INSL6: variants seen among roughly 807,000 people sequenced by gnomAD.
INSL6 encodes insulin-like peptide INSL6.
Under a neutral mutation model 9.4 loss-of-function variants are expected in INSL6, and 16 were observed. The observed-to-expected ratio is 1.70, with a 90% CI of 1.15 to 2.59. INSL6 has a LOEUF of 2.59. INSL6 is among the 30% of genes most tolerant of loss of function. INSL6 has a pLI of 0.00. For missense variants in INSL6, 391 were observed against 257.3 expected (o/e 1.52, Z -3.56); for synonymous variants, 154 against 96.9 (o/e 1.59, Z -3.46).
chr9:5,062,309 G>A, the INSL6 span, among the ~76,000 whole-genome samples: 1 of 151,758 alleles, frequency 6.6e-6, no homozygotes, highest in African/African-American at 2.4e-5. Context: ...TATTCTGAGG[G>A]ACAACTGTAC....
intron 1 of INSL6, among the ~76,000 whole-genome samples, chr9:5,183,654 T>C (rs1306174511): frequency 6.6e-6 from 1 of 152,040 alleles, no homozygotes; most frequent in East Asian, 1.9e-4. Context: ...TACAGTATTA[T>C]AGCATAGGTA....
chr9:5,061,645 C>G, the INSL6 span, among the ~76,000 whole-genome samples: 1 of 152,228 alleles, frequency 6.6e-6, no homozygotes, highest in African/African-American at 2.4e-5. Flanking sequence ...GATCTTCTAT[C>G]TAGAACTTTC....
the INSL6 span, among the ~76,000 whole-genome samples, chr9:5,004,844 C>G: frequency 6.6e-6 from 1 of 151,442 alleles, no homozygotes; most frequent in Non-Finnish European, 1.5e-5. Flanking sequence ...GAGGTGAGAT[C>G]TCACTATGGT....
chr9:5,043,214 G>A, the INSL6 span, among the ~76,000 whole-genome samples: 1 of 152,238 alleles, frequency 6.6e-6, no homozygotes, highest in Non-Finnish European at 1.5e-5. Flanking sequence ...CAGTGCCCAG[G>A]GCGGTGGCCG....
At chr9:5,158,179 AT>A (rs1824852616) in intron 2 of INSL6, among the ~76,000 whole-genome samples, 1 of 152,166 alleles carries the variant, frequency 6.6e-6, no homozygotes, top group African/African-American at 2.4e-5. Flanking sequence ...AATTAAAAAA[AT>A]AAACCATGCC....
chr9:5,068,952 T>C, the INSL6 span: 1 of 848,942 alleles, frequency 1.2e-6, no homozygotes, highest in Non-Finnish European at 1.8e-6. Context: ...GTGATATCAT[T>C]TTGTCAGAAT....
In INSL6 at chr9:5,164,255, A is replaced by G. The variant is rs186054418; in HGVS notation, c.300T>C (p.Ser100=). The change falls in exon 2 of 2, where the codon TCT becomes TCC. Residue 100 remains serine (S), a synonymous_variant. Coordinates refer to ENST00000381641, the MANE Select transcript of INSL6 (RefSeq NM_007179.3). ...CCCAACTGTTTACTGCTTCTTCCCA[A>G]GAAGTAGACACTGTTGAGAGAGAAG... ...RGRGTNPVST[S]WEEAVNSWEM... is the part of the protein sequence containing the mutation. 4.4e-6 allele frequency: 7 copies of G among 1,599,766 alleles called. No homozygotes were observed. Among genetic ancestry groups the G allele is most frequent in the Non-Finnish European group, 3.4e-6 (4 of 1,171,538 alleles).
chr9:5,083,009 CT>C, the INSL6 span, among the ~76,000 whole-genome samples: 1 of 152,208 alleles, frequency 6.6e-6, no homozygotes, highest in South Asian at 2.1e-4. Context: ...AACTGAAGAA[CT>C]TTTCAGAGGC....
intron 1 of INSL6, among the ~76,000 whole-genome samples, chr9:5,164,588 C>G (rs757028737): frequency 2.6e-5 from 4 of 152,146 alleles, no homozygotes; most frequent in Non-Finnish European, 5.9e-5. Context: ...AATCTAACTC[C>G]AGAACATCTG....
the INSL6 span, among the ~76,000 whole-genome samples, chr9:5,089,265 A>G: frequency 2.0e-5 from 3 of 152,096 alleles, no homozygotes; most frequent in Non-Finnish European, 4.4e-5. Context: ...GCTGCTGGGC[A>G]TGGTGGCTCA....
the INSL6 span, among the ~76,000 whole-genome samples, chr9:5,080,896 T>C: frequency 1.1e-4 from 8 of 74,352 alleles, no homozygotes; most frequent in South Asian, 3.8e-4. Context: ...CCTTTTCTTT[T>C]TTTTTTTTTT....
At chr9:5,080,600 T>TA in the INSL6 span, 1 of 1,608,296 alleles carries the variant, frequency 6.2e-7, no homozygotes, top group Non-Finnish European at 8.5e-7. Flanking sequence ...GCAAACCTTA[T>TA]AAATAATTGT....
chr9:5,023,243 T>TG, the INSL6 span, among the ~76,000 whole-genome samples: 1 of 152,230 alleles, frequency 6.6e-6, no homozygotes, highest in African/African-American at 2.4e-5. Flanking sequence ...CACATATGAA[T>TG]GAGAACTTGT....
Position 5,131,435 on chromosome 9 carries a change from A to ATTTTTTTTTTTTTTTTTTTTTT in INSL6, c.*10+1989_*10+1990insAAAAAAAAAAAAAAAAAAAAAA, listed in dbSNP as rs550915336. Among the ~76,000 whole-genome samples, 135 of 115,822 alleles carry ATTTTTTTTTTTTTTTTTTTTTT rather than the reference A, an allele frequency of 1.2e-3. 16 individuals are homozygous for ATTTTTTTTTTTTTTTTTTTTTT. The highest frequency in any genetic ancestry group is 5.1e-3 in the African/African-American group (128 of 24,944). The allele number at this position is 115,822 out of a possible 152,430, so 76.0% of individuals were successfully genotyped here. ...AATTCTTTAACACCACCAGTTAACA[A>ATTTTTTTTTTTTTTTTTTTTTT]TTTTTTTTTTTTTTTTTTTGAGACA... On this transcript the variant is annotated intron_variant, in intron 3 of 3. Coordinates refer to the INSL6 transcript ENST00000649639.
chr9:5,033,157 T>C, the INSL6 span, among the ~76,000 whole-genome samples: 9 of 152,204 alleles, frequency 5.9e-5, no homozygotes, highest in South Asian at 1.9e-3. Context: ...AGATGGAAGA[T>C]GAAATGAATG....
chr9:5,069,843 C>T, the INSL6 span: 1 of 835,564 alleles, frequency 1.2e-6, no homozygotes. Flanking sequence ...ATACGTAGAA[C>T]ACATTTCATT....
the INSL6 span, among the ~76,000 whole-genome samples, chr9:4,996,451 A>AAAAT: frequency 9.9e-5 from 15 of 152,104 alleles, no homozygotes; most frequent in South Asian, 2.1e-4. Context: ...TCTGTCTCAA[A>AAAAT]AAATAAATAA....
At chr9:5,010,416 G>A in the INSL6 span, among the ~76,000 whole-genome samples, 5 of 152,032 alleles carry the variant, frequency 3.3e-5, no homozygotes, top group African/African-American at 1.2e-4. Flanking sequence ...TGCCTTCGGG[G>A]TTCAAGCAAT....
the INSL6 span, among the ~76,000 whole-genome samples, chr9:4,998,732 C>T: frequency 2.2e-5 from 3 of 139,104 alleles, no homozygotes; most frequent in Non-Finnish European, 3.2e-5. Flanking sequence ...GACCAAAAAC[C>T]ACAAAAAACA....
Sources: gnomAD v4.1 joint callset for allele counts (sites outside exome capture counted in the v4.1 genomes callset) on GRCh38, gnomAD v4.1.1 for gene constraint, MANE v1.5 for transcripts, NCBI Gene and HGNC (gene_info 2026-07-23, HGNC 2026-07-21) for gene names.